The following SARDH variants were observed in gnomAD, a reference collection of about 807,000 sequenced individuals.
SARDH encodes the protein sarcosine dehydrogenase, mitochondrial.
SARDH carries 95 observed loss-of-function variants against 109.1 expected under a neutral mutation model. The ratio of observed to expected loss-of-function variants is 0.87; its 90% CI spans 0.74 to 1.03. SARDH has a LOEUF of 1.03. Among genes scored for constraint, SARDH ranks in the 50% least tolerant of loss-of-function variants. SARDH has a pLI of 0.00. For missense variants in SARDH, 1,267 were observed against 1,287.8 expected (o/e 0.98, Z 0.25); for synonymous variants, 572 against 534.8 (o/e 1.07, Z -0.96).
At chr9:133,717,106 G>A (rs1832151283) in intron 8 of SARDH, among the ~76,000 whole-genome samples, 1 of 152,182 alleles carries the variant, frequency 6.6e-6, no homozygotes, top group African/African-American at 2.4e-5. Flanking sequence ...TCGTGCTTGG[G>A]GCAGATGATG....
intron 16 of SARDH, among the ~76,000 whole-genome samples, chr9:133,685,948 C>T (rs549089819): frequency 5.9e-5 from 9 of 152,286 alleles, no homozygotes; most frequent in Middle Eastern, 3.4e-3. Context: ...GGGTGTGAGA[C>T]GCTCAGGCTG....
chr9:133,694,811 T>C (rs1339588126), intron 14 of SARDH, among the ~76,000 whole-genome samples: 1 of 152,040 alleles, frequency 6.6e-6, no homozygotes, highest in Admixed American at 6.6e-5. Flanking sequence ...GATGGACAGA[T>C]GGGAAGGTGG....
chr9:133,717,511 C>T, intron 7 of SARDH, 56 bp from the exon 8 acceptor site: 3 of 1,601,702 alleles, frequency 1.9e-6, no homozygotes, highest in East Asian at 2.3e-5. Flanking sequence ...CCATGCATCC[C>T]CATGCCAAAC....
In SARDH at chr9:133,690,528, C is replaced by T; in HGVS notation, c.1922-1G>A. 5.0e-6 allele frequency: 8 copies of T among 1,595,312 alleles called. No individual in the cohort carries two copies. Among genetic ancestry groups the T allele is most frequent in the Non-Finnish European group, 6.8e-6 (8 of 1,172,804 alleles). The stretch of plus-strand genomic sequence containing the variant: ...CCCATGGCCAGGTAGTAACCGTCCC[C>T]TGGAAGAGAGGCACCTGGACTTAGA... On this transcript the variant is annotated splice_acceptor_variant, in intron 15 of 20. Coordinates refer to ENST00000439388, the MANE Select transcript of SARDH (RefSeq NM_001134707.2). LOFTEE classifies it high-confidence loss of function.
At position 133,725,146 on chromosome 9, in the gene SARDH, G is replaced by A. The variant is rs140349286; in HGVS notation, c.915+4619C>T. On this transcript the variant is annotated intron_variant, in intron 6 of 20. Transcript: ENST00000439388. ...TCATGTGATTCCATTTATACTAAAC[G>A]TCCAGAATAGGAAACTCCATCGAGG... Among the ~76,000 whole-genome samples the A allele has an allele frequency of 1.4e-4, 21 of 152,188 alleles. No homozygotes were observed. In the East Asian group the frequency reaches 4.0e-3, roughly 29 times the overall value.
In SARDH at chr9:133,713,042, G is replaced by A. The variant is rs765083603; in HGVS notation, c.1233C>T (p.Ser411=). 6.8e-6 allele frequency: 11 copies of A among 1,610,948 alleles called. 1 individual carries two copies. In the South Asian group the frequency reaches 1.2e-4, roughly 18 times the overall value. The change falls in exon 9 of 21, where the codon AGC becomes AGT. Residue 411 remains serine, a synonymous_variant. Transcript: ENST00000439388. The part of the protein sequence containing the change: ...RGFFLGCGFN[S]AGMMLGGGCG... Reference sequence around the variant, plus strand: ...AGGGCTGCTGCCCGGACTCACCTGCGCTGTTGAAGCCACAGCCCAGGAAGA... The same window carrying A: ...AGGGCTGCTGCCCGGACTCACCTGCACTGTTGAAGCCACAGCCCAGGAAGA...
rs186538542 is a variant in SARDH at position 133,712,553 on chromosome 9, G to A, written c.1328+66C>T. The A allele has an allele frequency of 3.0e-5, 42 of 1,412,058 alleles. No homozygotes were observed. The Middle Eastern group carries it at 8.8e-4, about 29-fold the overall frequency. 87.5% of individuals were successfully genotyped at this position (1,412,058 alleles called of 1,614,324 possible). A position where few individuals can be genotyped will look rare whatever the true frequency, so the allele number is the denominator to read the frequency against. ...CAAGGCTCCTTTCTCAGTAGCCCTC[G>A]CTGTTTACCCCACGCCACCTGTCCT... is the stretch of plus-strand genomic sequence containing the variant. On this transcript the variant is annotated intron_variant, in intron 10 of 20. Coordinates refer to ENST00000439388, the MANE Select transcript of SARDH (RefSeq NM_001134707.2). The surrounding 1 kb of genome is among the most constrained non-coding windows in gnomAD (Gnocchi z 4.1).
At chr9:133,716,103 C>T (rs929282876) in intron 8 of SARDH, among the ~76,000 whole-genome samples, 64 of 152,214 alleles carry the variant, frequency 4.2e-4, no homozygotes, top group Admixed American at 2.0e-4. Flanking sequence ...GCAGGCCCAG[C>T]GCTGACTCGC....
intron 6 of SARDH, among the ~76,000 whole-genome samples, chr9:133,729,269 G>C (rs1209119003): frequency 6.6e-6 from 1 of 152,058 alleles, no homozygotes; most frequent in African/African-American, 2.4e-5. Context: ...GGACAGGAGA[G>C]AAGAGAGGGC....
chr9:133,661,350 CA>C (rs1564218103), downstream of SARDH, among the ~76,000 whole-genome samples: 1 of 144,700 alleles, frequency 6.9e-6, no homozygotes, highest in Non-Finnish European at 1.5e-5. Flanking sequence ...AAAAAAAAAA[CA>C]ACAACAACAA....
In SARDH at chr9:133,708,290, G is replaced by C; in HGVS notation, c.1467C>G (p.His489Gln). 3 of 1,611,864 alleles carry C rather than the reference G, an allele frequency of 1.9e-6. No homozygotes were observed. Among genetic ancestry groups the C allele is most frequent in the Non-Finnish European group, 2.5e-6 (3 of 1,179,108 alleles). ...AGRNMRRDPL[H>Q]EELLGQGCVF... ...GCAGGAGCTGTAGGGGCGTTACCTC[G>C]TGCAGCGGGTCTCTCCTCATGTTGC... is the stretch of plus-strand genomic sequence containing the variant. Residue 489 changes from histidine to glutamine, a missense_variant, in exon 11 of 21, where the codon CAC becomes CAG. Physicochemically the swap from His to Gln is conservative, Grantham distance 24. Coordinates refer to ENST00000439388, the MANE Select transcript of SARDH (RefSeq NM_001134707.2).
rs572978980 is a variant in SARDH at position 133,692,850 on chromosome 9, G to A, written c.1921+1408C>T. 1.2e-4 allele frequency among the ~76,000 whole-genome samples: 18 copies of A among 152,274 alleles called. No individual in the cohort carries two copies. In the South Asian group the frequency reaches 2.7e-3, roughly 23 times the overall value. On this transcript the variant is annotated intron_variant, in intron 15 of 20. Transcript: ENST00000439388. This position sits in a 1 kb window ranked among gnomAD's most constrained non-coding sequence, Gnocchi z 5.0. Reference sequence around the variant, plus strand: ...AGCCCATGGCTCCCTCAGCCTCCACGTCGCCAACGGCAGGAGGGAAGGGGT... The same window carrying A: ...AGCCCATGGCTCCCTCAGCCTCCACATCGCCAACGGCAGGAGGGAAGGGGT...
chr9:133,738,085 G>A (rs890007422), intron 1 of SARDH, among the ~76,000 whole-genome samples, 169 bp downstream of exon 1: 2 of 152,152 alleles, frequency 1.3e-5, no homozygotes, highest in African/African-American at 2.4e-5. Flanking sequence ...AGCGGCAGGG[G>A]GCGGGGAGGC....
At chr9:133,713,163 G>T in intron 8 of SARDH, 39 bp from the exon 9 acceptor site, 2 of 1,559,536 alleles carry the variant, frequency 1.3e-6, no homozygotes, top group Non-Finnish European at 1.8e-6. Flanking sequence ...CCCTTTTGCA[G>T]TGCACATACT....
rs1362843825 is a variant in SARDH at position 133,708,347 on chromosome 9, G to A, written c.1410C>T (p.Val470=). 16 of 1,613,392 alleles carry A rather than the reference G, an allele frequency of 9.9e-6. No individual in the cohort carries two copies. The highest frequency in any genetic ancestry group is 9.9e-5 in the South Asian group (9 of 91,082). Residue 470 remains valine (V), a synonymous_variant, in exon 11 of 21, where the codon GTC becomes GTT. Coordinates refer to ENST00000439388, the MANE Select transcript of SARDH (RefSeq NM_001134707.2). ...CCAGCGGCTCATCGTGGGGGAAGAC[G>A]ACGGAGTAGTTCTTGGCGTAGGACT... is the stretch of plus-strand genomic sequence containing the variant. The part of the protein sequence containing the change: ...SHESYAKNYS[V]VFPHDEPLAG...
At chr9:133,733,108 G>A (rs3780803) in intron 2 of SARDH, among the ~76,000 whole-genome samples, 1 of 152,210 alleles carries the variant, frequency 6.6e-6, no homozygotes, top group Admixed American at 6.5e-5. Context: ...CAGGGAAGAG[G>A]CTATGACAGC....
At chr9:133,663,329 A>G (rs1167557979), downstream of SARDH, among the ~76,000 whole-genome samples, 2 of 152,236 alleles carry the variant, frequency 1.3e-5, no homozygotes, top group Non-Finnish European at 2.9e-5. Flanking sequence ...GAGGTCGAGC[A>G]AGGTAAGAAG....
rs151244454 is a variant in SARDH at position 133,731,395 on chromosome 9, G to A, written c.600C>T (p.Tyr200=). The change falls in exon 4 of 21, where the codon TAC becomes TAT. Residue 200 remains tyrosine, a synonymous_variant. Transcript: ENST00000439388. ...LYPLMNVDDL[Y]GTLYVPHDGT... is the part of the protein sequence containing the mutation. ...CGTCGTGCGGCACATACAGGGTCCC[G>A]TAGAGGTCGTCCACATTCATCAGCG... 1,400 of 1,614,164 alleles carry A rather than the reference G, an allele frequency of 8.7e-4. No homozygotes were observed. Among genetic ancestry groups the A allele is most frequent in the Non-Finnish European group, 1.1e-3 (1,255 of 1,180,030 alleles).
At chr9:133,670,016 G>T (rs921374937) in intron 19 of SARDH, among the ~76,000 whole-genome samples, 1 of 152,230 alleles carries the variant, frequency 6.6e-6, no homozygotes, top group African/African-American at 2.4e-5. Flanking sequence ...GGCCCCAGGT[G>T]CGCAACCTTA....
Sources: gnomAD v4.1 joint callset for allele counts (sites outside exome capture counted in the v4.1 genomes callset) on GRCh38, gnomAD v4.1.1 for gene constraint, Gnocchi (gnomAD v3.1) non-coding constraint, MANE v1.5 for transcripts, NCBI Gene and HGNC (gene_info 2026-07-23, HGNC 2026-07-21) for gene names.